The following ITGA1 variants were observed in gnomAD, a reference collection of about 807,000 sequenced individuals.
ITGA1 encodes the protein integrin alpha-1.
A neutral mutation model predicts 145.9 loss-of-function variants in ITGA1; 85 were observed. That is an observed-to-expected ratio of 0.58 (90% CI 0.49 to 0.70). ITGA1 has a LOEUF of 0.70. Among genes scored for constraint, ITGA1 ranks in the 30% least tolerant of loss-of-function variants. The pLI is 0.00. For missense variants in ITGA1, 1,351 were observed against 1,418.7 expected (o/e 0.95, Z 0.77); for synonymous variants, 520 against 495.3 (o/e 1.05, Z -0.66).
At chr5:52,923,278 G>A (rs1579722444) in intron 18 of ITGA1, among the ~76,000 whole-genome samples, 1 of 152,258 alleles carries the variant, frequency 6.6e-6, no homozygotes, top group East Asian at 1.9e-4. Flanking sequence ...ACATGTTAAT[G>A]ATCTAAAGGT....
chr5:52,943,980 C>G (rs1751090155), intron 26 of ITGA1, among the ~76,000 whole-genome samples: 1 of 152,152 alleles, frequency 6.6e-6, no homozygotes, highest in Non-Finnish European at 1.5e-5. Flanking sequence ...GCGCTGTGCA[C>G]ATGCTCCTGT....
intron 7 of ITGA1, among the ~76,000 whole-genome samples, chr5:52,883,996 T>C (rs1198440044): frequency 6.6e-6 from 1 of 152,218 alleles, no homozygotes; most frequent in African/African-American, 2.4e-5. Context: ...TCAATTCTTT[T>C]GTAACCCTGA....
In ITGA1 at chr5:52,881,814, A is replaced by C. The variant is rs78908988; in HGVS notation, c.625-59A>C. 1,827 of 1,505,126 alleles carry C rather than the reference A, an allele frequency of 1.2e-3. 29 individuals are homozygous for C. The African/African-American group carries it at 0.023, about 19-fold the overall frequency. The allele number at this position is 1,505,126 out of a possible 1,614,324, so 93.2% of individuals were successfully genotyped here. ...ATATCTGATTCACATGGTTAACCTG[A>C]AGAAATCTGAACAGGAAATTTGGAT... On this transcript the variant is annotated intron_variant, in intron 6 of 28. Transcript: ENST00000282588.
chr5:52,914,615 G>A (rs1391079626), intron 14 of ITGA1, among the ~76,000 whole-genome samples: 2 of 151,772 alleles, frequency 1.3e-5, no homozygotes, highest in Non-Finnish European at 2.9e-5. Flanking sequence ...AAAAGGGGGG[G>A]AAATACTTTC....
At chr5:52,913,928 C>CAAG (rs1168617865) in intron 14 of ITGA1, among the ~76,000 whole-genome samples, 1 of 152,100 alleles carries the variant, frequency 6.6e-6, no homozygotes, top group Non-Finnish European at 1.5e-5. Flanking sequence ...ATTTACTTAA[C>CAAG]AAGAGACAGG....
At chr5:52,888,536 G>A (rs1750091286) in intron 8 of ITGA1, among the ~76,000 whole-genome samples, 1 of 152,194 alleles carries the variant, frequency 6.6e-6, no homozygotes, top group Non-Finnish European at 1.5e-5. Context: ...TTTGACACTT[G>A]CTTTTCAGCG....
chr5:52,886,145 A>G (rs1460798286), intron 7 of ITGA1, among the ~76,000 whole-genome samples: 3 of 152,150 alleles, frequency 2.0e-5, no homozygotes, highest in African/African-American at 7.2e-5. Context: ...AGTCTAGAAG[A>G]AGATGTAAAG....
chr5:52,954,937 T>C lies in ITGA1; in HGVS notation c.*2486T>C, dbSNP rs148524242. On this transcript the variant is annotated 3_prime_UTR_variant, in exon 29 of 29. Transcript: ENST00000282588. Reference sequence around the variant, plus strand: ...AATGATTAAGAAATGTACTAGACTCTATCATTTACTTTTAAAACATTTAAT... The same window carrying C: ...AATGATTAAGAAATGTACTAGACTCCATCATTTACTTTTAAAACATTTAAT... 1 of 152,320 alleles carries C rather than the reference T, an allele frequency of 6.6e-6. No individual in the cohort carries two copies. Among genetic ancestry groups the C allele is most frequent in the Non-Finnish European group, 1.5e-5 (1 of 68,024 alleles). The allele number at this position is 152,320 out of a possible 1,614,324, so 9.4% of individuals were successfully genotyped here.
At chr5:52,898,055 T>G (rs1346006043) in intron 10 of ITGA1, among the ~76,000 whole-genome samples, 184 bp from the exon 11 acceptor site, 1 of 152,194 alleles carries the variant, frequency 6.6e-6, no homozygotes, top group African/African-American at 2.4e-5. Flanking sequence ...TGCCTTGATT[T>G]CCTTTTCTGT....
At chr5:52,853,216 C>A (rs1340364449) in intron 2 of ITGA1, among the ~76,000 whole-genome samples, 1 of 152,092 alleles carries the variant, frequency 6.6e-6, no homozygotes, top group Non-Finnish European at 1.5e-5. Flanking sequence ...TTACAAATAC[C>A]TAAATTTCCA....
intron 1 of ITGA1, among the ~76,000 whole-genome samples, chr5:52,842,928 G>A (rs1749279329): frequency 6.6e-6 from 1 of 152,056 alleles, no homozygotes; most frequent in Non-Finnish European, 1.5e-5. Flanking sequence ...CTGAATTGAG[G>A]TGATCCGCCT....
intron 1 of ITGA1, among the ~76,000 whole-genome samples, chr5:52,845,717 A>G (rs1749321675): frequency 6.6e-6 from 1 of 152,192 alleles, no homozygotes. Flanking sequence ...ATGCTGCTAA[A>G]CACTCTATAG....
chr5:52,880,262 T>G (rs1331443079), intron 6 of ITGA1, among the ~76,000 whole-genome samples: 1 of 128,174 alleles, frequency 7.8e-6, no homozygotes. Flanking sequence ...TCCTCACTTA[T>G]GAAACATTAT....
rs143105379 is a variant in ITGA1 at position 52,944,945 on chromosome 5, A to G, written c.3288A>G (p.Ser1096=). 3.5e-3 allele frequency: 5,702 copies of G among 1,607,492 alleles called. 14 individuals are homozygous for G. Among genetic ancestry groups the G allele is most frequent in the Non-Finnish European group, 4.3e-3 (5,014 of 1,174,736 alleles). Residue 1096 remains serine, a splice_region_variant and synonymous_variant, in exon 27 of 29, where the codon TCA becomes TCG. Coordinates refer to ENST00000282588, the MANE Select transcript of ITGA1 (RefSeq NM_181501.2). ...LILWKPTFIK[S]YFSSLNLTIR... is the part of the protein sequence containing the mutation. ...AACAAATCCTATTTGCTTTTCAGTC[A>G]TATTTTTCCAGCTTAAATCTTACTA...
chr5:52,820,452 A>G (rs937728620), intron 1 of ITGA1, among the ~76,000 whole-genome samples: 1 of 151,096 alleles, frequency 6.6e-6, no homozygotes, highest in Non-Finnish European at 1.5e-5. Context: ...CAGCACACCA[A>G]CATGGCACAT....
rs546261823 is a variant in ITGA1, at chr5:52,873,619, G to A, written c.624+7802G>A. On this transcript the variant is annotated intron_variant, in intron 6 of 28. Coordinates refer to ENST00000282588, the MANE Select transcript of ITGA1 (RefSeq NM_181501.2). Reference sequence around the variant, plus strand: ...ATGGTTTGTGCTAACAGTTAACTGGGATTGTATCCTGTATTATCACTACAT... The same window carrying A: ...ATGGTTTGTGCTAACAGTTAACTGGAATTGTATCCTGTATTATCACTACAT... Among the ~76,000 whole-genome samples, 15 of 152,288 alleles carry A rather than the reference G, an allele frequency of 9.8e-5. No homozygotes were observed. In the South Asian group the frequency reaches 3.1e-3, roughly 32 times the overall value.
At chr5:52,855,470 T>C (rs1370273921) in intron 2 of ITGA1, among the ~76,000 whole-genome samples, 1 of 152,202 alleles carries the variant, frequency 6.6e-6, no homozygotes, top group Non-Finnish European at 1.5e-5. Context: ...TAGATATTTA[T>C]TGAATGCCTA....
intron 1 of ITGA1, among the ~76,000 whole-genome samples, chr5:52,811,200 CAG>C (rs1487314710): frequency 6.6e-6 from 1 of 152,148 alleles, no homozygotes. Flanking sequence ...ATGTCATTCT[CAG>C]AGGATATGGT....
chr5:52,924,504 T>G (rs1579723004), intron 18 of ITGA1, among the ~76,000 whole-genome samples: 1 of 152,148 alleles, frequency 6.6e-6, no homozygotes, highest in Non-Finnish European at 1.5e-5. Context: ...AGGCCGGAGG[T>G]AAAGGCAGGG....
Sources: gnomAD v4.1 joint callset for allele counts (sites outside exome capture counted in the v4.1 genomes callset) on GRCh38, gnomAD v4.1.1 for gene constraint, MANE v1.5 for transcripts, NCBI Gene and HGNC (gene_info 2026-07-23, HGNC 2026-07-21) for gene names.